The following SLC12A7 variants were observed in gnomAD, a reference collection of about 807,000 sequenced individuals.
SLC12A7 encodes solute carrier family 12 member 7.
A neutral mutation model predicts 120.6 loss-of-function variants in SLC12A7; 100 were observed. The observed-to-expected ratio is 0.83, with a 90% confidence interval of 0.71 to 0.98. The LOEUF is 0.98. Ranked by LOEUF, SLC12A7 falls within the 50% of genes least tolerant of loss-of-function variation. The pLI, the probability that SLC12A7 is intolerant of heterozygous loss-of-function variation, is 0.00. For synonymous variants in SLC12A7, 760 were observed against 678.0 expected (o/e 1.12, Z -1.88); for missense variants, 1,373 against 1,548.1 (o/e 0.89, Z 1.90).
At chr5:1,119,920 T>C in the SLC12A7 span, among the ~76,000 whole-genome samples, 1 of 152,178 alleles carries the variant, frequency 6.6e-6, no homozygotes, top group Non-Finnish European at 1.5e-5. Context: ...AAAAATCCAG[T>C]CTGAGCTGGC....
the SLC12A7 span, among the ~76,000 whole-genome samples, chr5:1,153,310 C>G: frequency 6.6e-6 from 1 of 152,232 alleles, no homozygotes; most frequent in Non-Finnish European, 1.5e-5. Flanking sequence ...GGGTCTCCCA[C>G]CTGCTCCATC....
chr5:1,099,477 C>T (rs930447256), intron 1 of SLC12A7, among the ~76,000 whole-genome samples: 2 of 142,616 alleles, frequency 1.4e-5, no homozygotes, highest in African/African-American at 3.1e-5. Context: ...CGGCAGGGCC[C>T]GACCCAGTCC....
chr5:1,108,723 A>G (rs1315096404), intron 1 of SLC12A7, among the ~76,000 whole-genome samples: 1 of 152,242 alleles, frequency 6.6e-6, no homozygotes. Flanking sequence ...TCCCAAGGGC[A>G]GTGCAGAGCA....
At chr5:1,076,290 A>G in intron 13 of SLC12A7, 54 bp from the exon 14 acceptor site, 1 of 1,442,106 alleles carries the variant, frequency 6.9e-7, no homozygotes, top group East Asian at 2.4e-5. Context: ...CTGAGCCCCC[A>G]GTCACTGCCA....
At chr5:1,127,102 C>T in the SLC12A7 span, among the ~76,000 whole-genome samples, 1 of 152,224 alleles carries the variant, frequency 6.6e-6, no homozygotes, top group African/African-American at 2.4e-5. Context: ...GCAACCTCCA[C>T]CGCCCAGGTT....
Position 1,060,328 on chromosome 5 carries a change from C to G in SLC12A7, c.2847+16G>C. 6.3e-7 allele frequency: 1 copy of G among 1,592,998 alleles called. No homozygotes were observed. The highest frequency in any genetic ancestry group is 1.1e-5 in the South Asian group (1 of 90,596). On this transcript the variant is annotated intron_variant, in intron 21 of 23. Transcript: ENST00000264930. ...TCTCAGAAAGCCTGGTGTCTGTGGC[C>G]ACGGCCCCCACGTACCTCTCGCTCC...
intron 3 of SLC12A7, among the ~76,000 whole-genome samples, chr5:1,089,816 G>A (rs2150871196): frequency 6.6e-6 from 1 of 152,346 alleles, no homozygotes; most frequent in Non-Finnish European, 1.5e-5. Flanking sequence ...GCCAGGAGCA[G>A]GCCAGCGCCT....
In SLC12A7 at chr5:1,078,757, A is replaced by T; in HGVS notation, c.1398T>A (p.Tyr466Ter). 6.3e-7 allele frequency: 1 copy of T among 1,591,668 alleles called. No homozygotes were observed. Among genetic ancestry groups the T allele is most frequent in the East Asian group, 2.3e-5 (1 of 43,158 alleles). ...ILAIVTTSFI[Y>*]LSCIVLFGAC... The stretch of plus-strand genomic sequence containing the variant: ...CCCCAAACAGCACAATGCAGGAGAG[A>T]TCCACAGCCCTCGTCAAGGAAAGGC... The change falls in exon 11 of 24, where the codon TAT becomes TAA. Residue 466 changes from tyrosine to a stop codon, truncating the protein, a stop_gained and splice_region_variant. Coordinates refer to ENST00000264930, the MANE Select transcript of SLC12A7 (RefSeq NM_006598.3). LOFTEE classifies it high-confidence loss of function.
chr5:1,064,809 G>T (rs73028841), intron 18 of SLC12A7, among the ~76,000 whole-genome samples: 5,779 of 142,832 alleles, frequency 0.04, 80 homozygotes, highest in African/African-American at 0.052. Flanking sequence ...GACGGCGAGG[G>T]GACAGTGAGG....
At chr5:1,109,308 C>G (rs553937378) in intron 1 of SLC12A7, among the ~76,000 whole-genome samples, 2 of 152,266 alleles carry the variant, frequency 1.3e-5, no homozygotes, top group East Asian at 3.9e-4. Context: ...GGTGGGCTCC[C>G]CCAAGTCAGT....
the SLC12A7 span, among the ~76,000 whole-genome samples, chr5:1,154,315 CT>C: frequency 6.6e-6 from 1 of 151,466 alleles, no homozygotes; most frequent in Non-Finnish European, 1.5e-5. Flanking sequence ...CACCACACCC[CT>C]GTACCAATCC....
At chr5:1,097,290 G>A (rs1460595287) in intron 1 of SLC12A7, among the ~76,000 whole-genome samples, 16 of 152,214 alleles carry the variant, frequency 1.1e-4, no homozygotes, top group Non-Finnish European at 2.2e-4. Context: ...CATCCTTCCC[G>A]TCGCCTCCAA....
chr5:1,121,054 C>T, the SLC12A7 span, among the ~76,000 whole-genome samples: 3 of 152,252 alleles, frequency 2.0e-5, no homozygotes, highest in African/African-American at 7.2e-5. Context: ...CTCGGTGCAT[C>T]CTGACCTTGA....
intron 18 of SLC12A7, 64 bp from the exon 19 acceptor site, chr5:1,064,316 G>A: frequency 6.5e-7 from 1 of 1,545,652 alleles, no homozygotes; most frequent in Non-Finnish European, 8.7e-7. Flanking sequence ...GCCTCCCCGG[G>A]GACTCACAGC....
intron 1 of SLC12A7, among the ~76,000 whole-genome samples, chr5:1,102,394 C>T (rs1416738278): frequency 6.6e-6 from 1 of 152,228 alleles, no homozygotes; most frequent in Non-Finnish European, 1.5e-5. Flanking sequence ...GCACAACCTC[C>T]TCCCTTTCTC....
Position 1,054,654 on chromosome 5 carries a change from A to AGGG in SLC12A7, c.3027-1175_3027-1173dup, listed in dbSNP as rs746795961. On this transcript the variant is annotated intron_variant, in intron 22 of 23. Coordinates refer to ENST00000264930, the MANE Select transcript of SLC12A7 (RefSeq NM_006598.3). ...GAGGTCACCAGCGCCCTGGACGCAG[A>AGGG]GGGGCGGCGGCGGACAGACAGAGGC... Among the ~76,000 whole-genome samples the AGGG allele has an allele frequency of 1.2e-3, 181 of 152,360 alleles. 1 individual carries two copies. The highest frequency in any genetic ancestry group is 6.7e-3 in the Admixed American group (102 of 15,308).
At chr5:1,082,536 G>A (rs1739294327) in intron 8 of SLC12A7, among the ~76,000 whole-genome samples, 1 of 140,106 alleles carries the variant, frequency 7.1e-6, no homozygotes, top group African/African-American at 2.7e-5. Context: ...CTCAGGTTCT[G>A]GAAAGTCCGG....
At position 1,074,561 on chromosome 5, in the gene SLC12A7, G is replaced by A. The variant is rs1043304750; in HGVS notation, c.2072+6C>T. 2 of 1,609,878 alleles carry A rather than the reference G, an allele frequency of 1.2e-6. No individual in the cohort carries two copies. The highest frequency in any genetic ancestry group is 2.7e-5 in the African/African-American group (2 of 74,874). ...CTGAGGACCACGGGGCATGGGCGGT[G>A]CTCACCTCCAGTTCTTGGTGTGGGG... On this transcript the variant is annotated splice_donor_region_variant and intron_variant, in intron 16 of 23. Coordinates refer to ENST00000264930, the MANE Select transcript of SLC12A7 (RefSeq NM_006598.3).
chr5:1,078,147 C>G (rs372459710), intron 11 of SLC12A7, 140 bp from the exon 12 acceptor site: 1 of 1,071,518 alleles, frequency 9.3e-7, no homozygotes, highest in Non-Finnish European at 1.3e-6. Flanking sequence ...CTCCAGTCCC[C>G]GTTGGCTGAA....
Sources: allele counts gnomAD v4.1 joint callset (sites outside exome capture counted in the v4.1 genomes callset), GRCh38; gene constraint gnomAD v4.1.1; transcripts MANE v1.5; gene names NCBI Gene and HGNC (gene_info 2026-07-23, HGNC 2026-07-21).